The following MAP2K3 variants were observed in gnomAD, a reference collection of about 807,000 sequenced individuals.
The protein encoded by MAP2K3 is mitogen-activated protein kinase kinase 3.
MAP2K3 carries 30 observed loss-of-function variants against 46.4 expected under a neutral mutation model. The ratio of observed to expected loss-of-function variants is 0.65; its 90% CI spans 0.48 to 0.88. The LOEUF is 0.88. MAP2K3 is among the 40% of genes least tolerant of loss of function. The pLI, the probability that MAP2K3 is intolerant of heterozygous loss-of-function variation, is 0.00. For missense variants in MAP2K3, 380 were observed against 464.5 expected (o/e 0.82, Z 1.67); for synonymous variants, 189 against 176.3 (o/e 1.07, Z -0.57).
chr17:21,313,488 C>T lies in MAP2K3; in HGVS notation c.915-4C>T, dbSNP rs1162963750. On this transcript the variant is annotated splice_region_variant and splice_polypyrimidine_tract_variant and intron_variant, in intron 10 of 11. Transcript: ENST00000342679. ...CTGGCCACAGCTGCACTATTCTCTCCTAGCCTGAGGAAGAACCCCGCAGAG... is the reference window on the plus strand; with the variant it reads ...CTGGCCACAGCTGCACTATTCTCTCTTAGCCTGAGGAAGAACCCCGCAGAG... 1.2e-6 allele frequency: 2 copies of T among 1,612,784 alleles called. No homozygotes were observed. Among genetic ancestry groups the T allele is most frequent in the Admixed American group, 3.3e-5 (2 of 59,954 alleles).
At chr17:21,309,525 G>T (rs1296539078) in intron 9 of MAP2K3, among the ~76,000 whole-genome samples, 2 of 151,958 alleles carry the variant, frequency 1.3e-5, no homozygotes, top group Non-Finnish European at 2.9e-5. Context: ...TGCCAACATT[G>T]TGCATTATAT....
At chr17:21,300,700 A>C (rs1469253782) in intron 4 of MAP2K3, 42 bp downstream of exon 4, 1 of 1,594,574 alleles carries the variant, frequency 6.3e-7, no homozygotes, top group Non-Finnish European at 8.5e-7. Flanking sequence ...TCCCTGGAGG[A>C]GGCGGGCTGA....
At chr17:21,291,293 C>A in intron 1 of MAP2K3, 1 of 21,802 alleles carries the variant, frequency 4.6e-5, no homozygotes, top group Non-Finnish European at 8.9e-5. Flanking sequence ...CAATAGAATA[C>A]AATACAATAG....
rs1216040443 is a variant in MAP2K3 at position 21,301,010 on chromosome 17, T to C, written c.399+17T>C. 1.2e-6 allele frequency: 2 copies of C among 1,613,998 alleles called. No individual in the cohort carries two copies. The highest frequency in any genetic ancestry group is 1.7e-6 in the Non-Finnish European group (2 of 1,179,998). On this transcript the variant is annotated intron_variant, in intron 5 of 11. Transcript: ENST00000342679. ...TTCAGAGAGGTGCGTCCTTGCATGA[T>C]GCAGCTGGGGATCTCCACCTCCCAC...
intron 7 of MAP2K3, among the ~76,000 whole-genome samples, chr17:21,303,816 C>T (rs1976737793): frequency 6.6e-6 from 1 of 152,312 alleles, no homozygotes; most frequent in African/African-American, 2.4e-5. Context: ...GGCTTAGTTC[C>T]CATTGTCCAC....
At chr17:21,305,944 C>T (rs5012532) in intron 9 of MAP2K3, among the ~76,000 whole-genome samples, 1 of 152,138 alleles carries the variant, frequency 6.6e-6, no homozygotes, top group Non-Finnish European at 1.5e-5. Flanking sequence ...AAGCCTGGCC[C>T]AGGACATTCC....
In MAP2K3 at chr17:21,288,960, C is replaced by T. The variant is rs148944846; in HGVS notation, c.49+3991C>T. Among the ~76,000 whole-genome samples the T allele has an allele frequency of 2.9e-3, 442 of 152,360 alleles. 3 individuals carry two copies. Among genetic ancestry groups the T allele is most frequent in the African/African-American group, 0.01 (428 of 41,574 alleles). Reference sequence around the variant, plus strand: ...TCTGTAAAGTGGGAGTAAACATGCTCCCTTGCAGGGTAGTGGTCGAGATTG... The same window carrying T: ...TCTGTAAAGTGGGAGTAAACATGCTTCCTTGCAGGGTAGTGGTCGAGATTG... On this transcript the variant is annotated intron_variant, in intron 1 of 11. Coordinates refer to ENST00000342679, the MANE Select transcript of MAP2K3 (RefSeq NM_145109.3).
chr17:21,286,339 CA>C (rs1279918940), intron 1 of MAP2K3, among the ~76,000 whole-genome samples: 8 of 152,236 alleles, frequency 5.3e-5, no homozygotes, highest in African/African-American at 1.9e-4. Context: ...GGCACTTCAT[CA>C]GGGGTCAGCC....
chr17:21,287,720 G>A (rs994124848), intron 1 of MAP2K3, among the ~76,000 whole-genome samples: 2 of 152,256 alleles, frequency 1.3e-5, no homozygotes, highest in Non-Finnish European at 2.9e-5. Flanking sequence ...TGTCCTTGGA[G>A]GGTACCACAC....
intron 1 of MAP2K3, chr17:21,296,170 A>G: frequency 7.8e-7 from 1 of 1,289,644 alleles, no homozygotes; most frequent in South Asian, 1.2e-5. Context: ...AGCACCTTGC[A>G]GACGTGATCT....
Position 21,284,759 on chromosome 17 carries a change from C to T in MAP2K3, c.-162C>T, listed in dbSNP as rs1975676434. The T allele has an allele frequency of 2.3e-5, 16 of 688,334 alleles. No individual in the cohort carries two copies. The South Asian group carries it at 3.8e-4, about 16-fold the overall frequency. 42.6% of individuals were successfully genotyped at this position (688,334 alleles called of 1,614,324 possible). A position where few individuals can be genotyped will look rare whatever the true frequency, so the allele number is the denominator to read the frequency against. ...CGCGGACTCGTCCTTGCTGCAGTCG[C>T]CGCCGCAGTCCTCGCCGCAGTCGCC... On this transcript the variant is annotated 5_prime_UTR_variant, in exon 1 of 12. Coordinates refer to ENST00000342679, the MANE Select transcript of MAP2K3 (RefSeq NM_145109.3).
intron 1 of MAP2K3, among the ~76,000 whole-genome samples, chr17:21,290,660 A>G (rs1175976098): frequency 1.3e-5 from 2 of 152,308 alleles, no homozygotes; most frequent in African/African-American, 4.8e-5. Flanking sequence ...CTCATCATCA[A>G]TCCCATGCTT....
At chr17:21,307,470 T>G (rs1976947934) in intron 9 of MAP2K3, among the ~76,000 whole-genome samples, 1 of 152,054 alleles carries the variant, frequency 6.6e-6, no homozygotes, top group Non-Finnish European at 1.5e-5. Flanking sequence ...GAGGGCAGGG[T>G]AGACCAGGGG....
At chr17:21,302,824 GA>G (rs1976681142) in intron 6 of MAP2K3, among the ~76,000 whole-genome samples, 1 of 152,310 alleles carries the variant, frequency 6.6e-6, no homozygotes, top group African/African-American at 2.4e-5. Flanking sequence ...CTTCCCAAGG[GA>G]AATGGCTCCA....
intron 1 of MAP2K3, 149 bp downstream of exon 1, chr17:21,285,118 G>A (rs1268476229): frequency 4.5e-6 from 6 of 1,328,256 alleles, no homozygotes; most frequent in East Asian, 5.1e-5. Flanking sequence ...TCGGGGTCCC[G>A]GGACCAGCCC....
chr17:21,303,278 G>C, intron 7 of MAP2K3, 44 bp downstream of exon 7: 1 of 1,612,834 alleles, frequency 6.2e-7, no homozygotes. Flanking sequence ...GCCAGTGGGA[G>C]GGATCCCAGG....
intron 1 of MAP2K3, among the ~76,000 whole-genome samples, chr17:21,291,137 G>C (rs78801710): frequency 6.9e-6 from 1 of 144,080 alleles, no homozygotes; most frequent in South Asian, 2.2e-4. Flanking sequence ...CCAGCTACTC[G>C]GGAGGCTGAG....
At chr17:21,300,771 G>C in intron 4 of MAP2K3, 103 bp from the exon 5 acceptor site, 1 of 1,608,312 alleles carries the variant, frequency 6.2e-7, no homozygotes, top group South Asian at 1.1e-5. Context: ...AGGCTTTTTG[G>C]GGCACACTGG....
chr17:21,289,416 G>A (rs193266983), intron 1 of MAP2K3, among the ~76,000 whole-genome samples: 1 of 152,124 alleles, frequency 6.6e-6, no homozygotes, highest in Non-Finnish European at 1.5e-5. Flanking sequence ...TGGTTCTAGG[G>A]GCTCAGTCCT....
Sources: gnomAD v4.1 joint callset for allele counts (sites outside exome capture counted in the v4.1 genomes callset) on GRCh38, gnomAD v4.1.1 for gene constraint, MANE v1.5 for transcripts, NCBI Gene and HGNC (gene_info 2026-07-23, HGNC 2026-07-21) for gene names.